CCDC180: variants seen among roughly 807,000 people sequenced by gnomAD.
CCDC180 encodes the protein coiled-coil domain containing 180.
Under a neutral mutation model 209.2 loss-of-function variants are expected in CCDC180, and 154 were observed. The ratio of observed to expected loss-of-function variants is 0.74; its 90% CI spans 0.65 to 0.84. The LOEUF (loss-of-function observed/expected upper bound fraction) is 0.84. Among genes scored for constraint, CCDC180 ranks in the 40% least tolerant of loss-of-function variants. CCDC180 has a pLI of 0.00. For missense variants in CCDC180, 1,874 were observed against 1,997.3 expected (o/e 0.94, Z 1.18); for synonymous variants, 778 against 749.1 (o/e 1.04, Z -0.63).
chr9:97,330,256 G>C (rs1825694323), intron 17 of CCDC180, 63 bp downstream of exon 17: 1 of 1,610,676 alleles, frequency 6.2e-7, no homozygotes, highest in Admixed American at 1.7e-5. Context: ...TTGTGGGTTG[G>C]GAGGCCCAAT....
chr9:97,344,757 T>C lies in CCDC180; in HGVS notation c.2498+1194T>C, dbSNP rs1826198516. 2.6e-5 allele frequency among the ~76,000 whole-genome samples: 4 copies of C among 152,272 alleles called. No individual in the cohort carries two copies. In the South Asian group the frequency reaches 8.3e-4, roughly 32 times the overall value. On this transcript the variant is annotated intron_variant, in intron 19 of 36. Coordinates refer to ENST00000529487, the MANE Select transcript of CCDC180 (RefSeq NM_020893.6). ...CTGATTGGGTTTGCATACTGAAGGA[T>C]AACATGCATTCATAAAAGTATGAAA...
intron 13 of CCDC180, 153 bp downstream of exon 13, chr9:97,324,056 G>A (rs193115183): frequency 2.4e-5 from 21 of 859,684 alleles, no homozygotes; most frequent in Admixed American, 2.0e-4. Flanking sequence ...GCCCCCTTAC[G>A]CTGGCCACTC....
chr9:97,376,959 T>A lies in CCDC180; in HGVS notation c.*65T>A. On this transcript the variant is annotated 3_prime_UTR_variant, in exon 37 of 37. Coordinates refer to ENST00000529487, the MANE Select transcript of CCDC180 (RefSeq NM_020893.6). ...CTCCTTCCCTGTCCATCTACCTGCC[T>A]ACCTACTTTCCGTCCATCCCTCCCT... The A allele has an allele frequency of 6.5e-7, 1 of 1,545,310 alleles. No individual in the cohort carries two copies. Among genetic ancestry groups the A allele is most frequent in the Non-Finnish European group, 8.7e-7 (1 of 1,143,788 alleles).
In CCDC180 at chr9:97,347,305, C is replaced by T. The variant is rs541934816; in HGVS notation, c.2499-9C>T. The T allele has an allele frequency of 7.8e-6, 12 of 1,535,172 alleles. No homozygotes were observed. Among genetic ancestry groups the T allele is most frequent in the South Asian group, 7.1e-5 (6 of 83,988 alleles). On this transcript the variant is annotated splice_polypyrimidine_tract_variant and intron_variant, in intron 19 of 36. Coordinates refer to ENST00000529487, the MANE Select transcript of CCDC180 (RefSeq NM_020893.6). The stretch of plus-strand genomic sequence containing the variant: ...TGGCAGGGCTGACCCTGGCTGGTCT[C>T]GCCCTCAGACTTCGAGCTGGCTTCT...
At chr9:97,349,018 TG>T in intron 20 of CCDC180, 92 bp from the exon 21 acceptor site, 1 of 1,203,680 alleles carries the variant, frequency 8.3e-7, no homozygotes, top group Non-Finnish European at 1.1e-6. Flanking sequence ...GCAGCTGGCC[TG>T]GAAGAGGCAG....
At chr9:97,347,540 C>T (rs762991408) in intron 20 of CCDC180, 51 bp downstream of exon 20, 74 of 1,499,458 alleles carry the variant, frequency 4.9e-5, no homozygotes, top group Non-Finnish European at 6.2e-5. Context: ...ACTCCTTCAG[C>T]GTCTGCTCCA....
At chr9:97,308,155 C>G in intron 2 of CCDC180, 23 bp downstream of exon 2, 2 of 1,546,504 alleles carry the variant, frequency 1.3e-6, no homozygotes, top group Non-Finnish European at 1.7e-6. Context: ...CTCTGTCCCG[C>G]TTTTCTCCAT....
intron 31 of CCDC180, among the ~76,000 whole-genome samples, chr9:97,367,766 G>A (rs968076787): frequency 6.6e-6 from 1 of 152,088 alleles, no homozygotes; most frequent in Non-Finnish European, 1.5e-5. Context: ...GAGCCACTGC[G>A]CCCAGCCAGA....
intron 22 of CCDC180, among the ~76,000 whole-genome samples, chr9:97,353,684 G>C (rs1216446921): frequency 6.6e-6 from 1 of 152,108 alleles, no homozygotes; most frequent in Non-Finnish European, 1.5e-5. Flanking sequence ...GGTTTTTTGG[G>C]TCACTCCAGA....
intron 8 of CCDC180, among the ~76,000 whole-genome samples, chr9:97,315,857 G>A (rs1450576768): frequency 6.6e-6 from 1 of 152,210 alleles, no homozygotes; most frequent in South Asian, 2.1e-4. Context: ...GTCGTTAAAT[G>A]AAGATAATAT....
chr9:97,354,175 T>C (rs1015644936), intron 22 of CCDC180, among the ~76,000 whole-genome samples: 3 of 152,002 alleles, frequency 2.0e-5, no homozygotes, highest in African/African-American at 7.3e-5. Flanking sequence ...TTTTTTTTAC[T>C]TTTTTAGAGA....
intron 3 of CCDC180, among the ~76,000 whole-genome samples, chr9:97,310,523 A>G (rs1832948001): frequency 6.6e-6 from 1 of 152,168 alleles, no homozygotes; most frequent in Non-Finnish European, 1.5e-5. Flanking sequence ...TATGGGGAAA[A>G]GGAAGAAACA....
In CCDC180 at chr9:97,366,208, C is replaced by T. The variant is rs899577986; in HGVS notation, c.4048-351C>T. Reference sequence around the variant, plus strand: ...TTCAGGGCAGGGTCCCTGGCTCGCCCGTCTTTGTGGCCTGCAGCCTATACC... The same window carrying T: ...TTCAGGGCAGGGTCCCTGGCTCGCCTGTCTTTGTGGCCTGCAGCCTATACC... On this transcript the variant is annotated intron_variant, in intron 30 of 36. Transcript: ENST00000529487. The surrounding 1 kb of genome is among the most constrained non-coding windows in gnomAD (Gnocchi z 4.3). Among the ~76,000 whole-genome samples, 6 of 152,230 alleles carry T rather than the reference C, an allele frequency of 3.9e-5. No homozygotes were observed. The highest frequency in any genetic ancestry group is 2.0e-4 in the Admixed American group (3 of 15,288).
In CCDC180 at chr9:97,328,214, A is replaced by G. The variant is rs1279150156; in HGVS notation, c.1788+68A>G. 7.7e-6 allele frequency: 12 copies of G among 1,556,524 alleles called. No individual in the cohort carries two copies. In the South Asian group the frequency reaches 1.3e-4, roughly 17 times the overall value. The stretch of plus-strand genomic sequence containing the variant: ...CTAAGGGAGAGGCTGACTTCTTGTT[A>G]TGATCTGCCTAGACTTTGAAAGCCA... On this transcript the variant is annotated intron_variant, in intron 16 of 36. Coordinates refer to ENST00000529487, the MANE Select transcript of CCDC180 (RefSeq NM_020893.6).
Position 97,362,346 on chromosome 9 carries a change from G to T in CCDC180, c.3807G>T (p.Gly1269=). 1 of 1,614,104 alleles carries T rather than the reference G, an allele frequency of 6.2e-7. No homozygotes were observed. The highest frequency in any genetic ancestry group is 1.1e-5 in the South Asian group (1 of 91,076). The part of the protein sequence containing the change: ...CSPPVLCSCP[G]PSSPKGFKRH... ...CTCCTGTCCTCTGCTCCTGTCCTGG[G>T]CCCTCGTCACCCAAAGGCTTCAAGC... The change falls in exon 28 of 37, where the codon GGG becomes GGT. Residue 1269 remains glycine (G), a synonymous_variant. Transcript: ENST00000529487.
intron 11 of CCDC180, among the ~76,000 whole-genome samples, chr9:97,322,258 C>G (rs915526554): frequency 2.0e-5 from 3 of 152,142 alleles, no homozygotes; most frequent in Non-Finnish European, 4.4e-5. Flanking sequence ...TGCCATCCCC[C>G]TGCCCTCCTC....
chr9:97,371,254 G>A (rs1205836984), intron 33 of CCDC180: 6 of 176,532 alleles, frequency 3.4e-5, no homozygotes, highest in Admixed American at 5.7e-5. Context: ...GTGAGCCACC[G>A]CGCCCGGCCT....
chr9:97,347,645 C>T, intron 20 of CCDC180, 156 bp downstream of exon 20: 1 of 668,280 alleles, frequency 1.5e-6, no homozygotes, highest in African/African-American at 1.8e-5. Flanking sequence ...AGGGTTCGCA[C>T]CTCTGAGGCT....
chr9:97,371,837 G>C (rs1346336798), intron 34 of CCDC180, 131 bp downstream of exon 34: 1 of 504,066 alleles, frequency 2.0e-6, no homozygotes, highest in Non-Finnish European at 3.5e-6. Context: ...ATTAATTTTT[G>C]TTTTCCTTAA....
Sources: allele counts gnomAD v4.1 joint callset (sites outside exome capture counted in the v4.1 genomes callset), GRCh38; gene constraint gnomAD v4.1.1; non-coding constraint Gnocchi (gnomAD v3.1); transcripts MANE v1.5; gene names NCBI Gene and HGNC (gene_info 2026-07-23, HGNC 2026-07-21).